RELN: variants seen among roughly 807,000 people sequenced by gnomAD.
The protein encoded by RELN is reelin.
In RELN, 108 loss-of-function variants were observed where a neutral mutation model predicts 427.6. That is an observed-to-expected ratio of 0.25 (90% CI 0.22 to 0.30). The LOEUF (loss-of-function observed/expected upper bound fraction) is 0.30. RELN is among the 10% of genes least tolerant of loss of function. The probability of loss-of-function intolerance (pLI) is 1.00; values close to 1 mark genes in which losing one functional copy is unlikely to be tolerated. For synonymous variants in RELN, 1,524 were observed against 1,513.4 expected (o/e 1.01, Z -0.16); for missense variants, 3,715 against 4,302.8 (o/e 0.86, Z 3.82).
At chr7:103,963,564 T>A (rs1047738059) in intron 1 of RELN, among the ~76,000 whole-genome samples, 3 of 152,148 alleles carry the variant, frequency 2.0e-5, no homozygotes, top group African/African-American at 7.2e-5. Flanking sequence ...CTGGGTTGGG[T>A]GACAAAGAAG....
At chr7:103,652,938 C>A (rs1832953690) in intron 13 of RELN, among the ~76,000 whole-genome samples, 179 bp from the exon 14 acceptor site, 2 of 151,944 alleles carry the variant, frequency 1.3e-5, no homozygotes, top group Admixed American at 1.3e-4. Flanking sequence ...AAGGAGCATT[C>A]GATTTAGTGA....
At chr7:103,491,372 TGC>T (rs1250946013) in intron 58 of RELN, among the ~76,000 whole-genome samples, 2 of 152,180 alleles carry the variant, frequency 1.3e-5, no homozygotes, top group Non-Finnish European at 2.9e-5. Context: ...TGTAGTGCTT[TGC>T]TTATTTTGAT....
chr7:103,847,405 A>G (rs1026336027), intron 2 of RELN, among the ~76,000 whole-genome samples: 1 of 152,132 alleles, frequency 6.6e-6, no homozygotes, highest in Non-Finnish European at 1.5e-5. Context: ...ATCACACACC[A>G]GGGCCTGCCA....
At chr7:103,772,312 AAATGAATGAATGAATG>A (rs71519158) in intron 4 of RELN, among the ~76,000 whole-genome samples, 21 of 150,178 alleles carry the variant, frequency 1.4e-4, no homozygotes, top group African/African-American at 4.5e-4. Flanking sequence ...AATAGTTGTC[AAATGAATGAATGAATG>A]AATGAATGAA....
At chr7:103,870,285 C>T (rs1259324476) in intron 2 of RELN, among the ~76,000 whole-genome samples, 3 of 151,856 alleles carry the variant, frequency 2.0e-5, no homozygotes, top group Non-Finnish European at 4.4e-5. Flanking sequence ...ATGGCTCCTG[C>T]TTTCCTGTTT....
At chr7:103,612,121 T>C (rs1831973963) in intron 20 of RELN, among the ~76,000 whole-genome samples, 2 of 152,136 alleles carry the variant, frequency 1.3e-5, no homozygotes, top group South Asian at 4.1e-4. Flanking sequence ...GAAAATAATT[T>C]TAAATTTAGA....
rs368955444 is a variant in RELN at position 103,832,426 on chromosome 7, A to C, written c.473+1111T>G. Among the ~76,000 whole-genome samples, 68 of 152,150 alleles carry C rather than the reference A, an allele frequency of 4.5e-4. 3 individuals are homozygous for C. Among genetic ancestry groups the C allele is most frequent in the African/African-American group, 1.6e-3 (65 of 41,426 alleles). ...GTGAAGAAAAAACAAAAACACAAAA[A>C]AAACAACGAAAAACTGAAAAACAAT... On this transcript the variant is annotated intron_variant, in intron 3 of 64. Transcript: ENST00000428762.
intron 42 of RELN, among the ~76,000 whole-genome samples, chr7:103,544,154 T>C (rs1830231908): frequency 6.6e-6 from 1 of 151,940 alleles, no homozygotes. Context: ...TAGATCTAGT[T>C]TTAAAATGTA....
intron 2 of RELN, among the ~76,000 whole-genome samples, chr7:103,844,355 C>T (rs1235544651): frequency 1.3e-5 from 2 of 152,100 alleles, no homozygotes; most frequent in African/African-American, 2.4e-5. Context: ...AATTACTACT[C>T]AGCACCATGA....
intron 20 of RELN, among the ~76,000 whole-genome samples, chr7:103,625,947 T>G (rs1832320919): frequency 6.6e-6 from 1 of 151,982 alleles, no homozygotes; most frequent in Non-Finnish European, 1.5e-5. Flanking sequence ...GGCAATGGAG[T>G]GAAGCTCAGA....
intron 3 of RELN, among the ~76,000 whole-genome samples, chr7:103,790,749 G>A (rs1485006398): frequency 6.6e-6 from 1 of 152,074 alleles, no homozygotes; most frequent in Non-Finnish European, 1.5e-5. Flanking sequence ...GGATCATGAG[G>A]TCAGGAGTTT....
At chr7:103,576,273 G>C (rs892890837) in intron 28 of RELN, among the ~76,000 whole-genome samples, 4 of 152,154 alleles carry the variant, frequency 2.6e-5, no homozygotes, top group African/African-American at 9.7e-5. Flanking sequence ...CCGAGTAGCT[G>C]AGATTACAGG....
intron 1 of RELN, among the ~76,000 whole-genome samples, chr7:103,957,650 TC>T (rs998401269): frequency 6.6e-6 from 1 of 152,092 alleles, no homozygotes; most frequent in Non-Finnish European, 1.5e-5. Flanking sequence ...TGCCTGCTCA[TC>T]CCCCCTTGTG....
chr7:103,773,103 T>C (rs538242861), intron 4 of RELN, among the ~76,000 whole-genome samples: 68 of 20,222 alleles, frequency 3.4e-3, no homozygotes, highest in African/African-American at 9.8e-3. Context: ...TCTCCTCTTT[T>C]CTTTCTTTCT....
At chr7:103,635,150 C>T (rs369083281) in intron 19 of RELN, among the ~76,000 whole-genome samples, 25 of 152,226 alleles carry the variant, frequency 1.6e-4, no homozygotes, top group African/African-American at 2.9e-4. Flanking sequence ...TGAGCCACTG[C>T]GCCCAGCCTA....
Position 103,852,469 on chromosome 7 carries a change from T to C in RELN, c.338-18797A>G, listed in dbSNP as rs576468202. Among the ~76,000 whole-genome samples the C allele has an allele frequency of 3.3e-5, 5 of 152,278 alleles. No homozygotes were observed. The South Asian group carries it at 6.2e-4, about 19-fold the overall frequency. On this transcript the variant is annotated intron_variant, in intron 2 of 64. Transcript: ENST00000428762. ...CTTCTCTTTTCTCACATATGAAATA[T>C]AGAAGACAACACTTCACTGGGTTAC...
chr7:103,706,076 A>G (rs1834193159), intron 8 of RELN, among the ~76,000 whole-genome samples: 1 of 152,172 alleles, frequency 6.6e-6, no homozygotes, highest in Non-Finnish European at 1.5e-5. Flanking sequence ...ACTTTCTTTT[A>G]CTTTGGGCTA....
At chr7:103,827,333 G>A (rs569119410) in intron 3 of RELN, among the ~76,000 whole-genome samples, 1 of 151,962 alleles carries the variant, frequency 6.6e-6, no homozygotes, top group South Asian at 2.1e-4. Context: ...GGAAGGAGGA[G>A]GAGACAGGAA....
At chr7:103,612,959 T>C (rs187741313) in intron 20 of RELN, among the ~76,000 whole-genome samples, 14 of 152,336 alleles carry the variant, frequency 9.2e-5, no homozygotes, top group Non-Finnish European at 2.1e-4. Flanking sequence ...TCCATCACAG[T>C]ACTTGTTTCT....
Sources: gnomAD v4.1 joint callset for allele counts (sites outside exome capture counted in the v4.1 genomes callset) on GRCh38, gnomAD v4.1.1 for gene constraint, MANE v1.5 for transcripts, NCBI Gene and HGNC (gene_info 2026-07-23, HGNC 2026-07-21) for gene names.